The following FRMD4A variants were observed in gnomAD, a reference collection of about 807,000 sequenced individuals.
The protein encoded by FRMD4A is FERM domain-containing protein 4A.
FRMD4A carries 29 observed loss-of-function variants against 129.1 expected under a neutral mutation model. That is an observed-to-expected ratio of 0.22 (90% CI 0.17 to 0.31). The LOEUF is 0.31. FRMD4A is among the 10% of genes least tolerant of loss of function. The probability of loss-of-function intolerance (pLI) is 1.00; values close to 1 mark genes in which losing one functional copy is unlikely to be tolerated. For synonymous variants in FRMD4A, 634 were observed against 571.6 expected, an observed-to-expected ratio of 1.11 and a Z score of -1.56; for missense variants, 1,272 against 1,375.8, an observed-to-expected ratio of 0.92 and a Z score of 1.19.
At chr10:14,323,688 C>T (rs1843153111) in intron 2 of FRMD4A, among the ~76,000 whole-genome samples, 1 of 152,182 alleles carries the variant, frequency 6.6e-6, no homozygotes, top group East Asian at 1.9e-4. Context: ...GTAATTCAGA[C>T]AGAGTTATCA....
At chr10:14,293,702 C>T (rs1276589133) in intron 2 of FRMD4A, among the ~76,000 whole-genome samples, 2 of 151,968 alleles carry the variant, frequency 1.3e-5, no homozygotes, top group Non-Finnish European at 1.5e-5. Context: ...TTTGACATGA[C>T]TCAAGTTTTG....
chr10:13,709,084 T>G (rs193156474), intron 12 of FRMD4A, among the ~76,000 whole-genome samples: 15 of 152,328 alleles, frequency 9.8e-5, no homozygotes, highest in Admixed American at 3.3e-4. Context: ...TGCCTCAACC[T>G]TCCAAGTAGC....
chr10:14,223,962 C>T (rs1420745556), intron 2 of FRMD4A, among the ~76,000 whole-genome samples: 1 of 152,068 alleles, frequency 6.6e-6, no homozygotes, highest in Non-Finnish European at 1.5e-5. Context: ...TTTCGGGGAC[C>T]CTTCTCTAAT....
At chr10:14,199,037 G>A (rs1024178971) in intron 2 of FRMD4A, among the ~76,000 whole-genome samples, 5 of 151,820 alleles carry the variant, frequency 3.3e-5, no homozygotes, top group Non-Finnish European at 7.4e-5. Flanking sequence ...TTACCTTTCC[G>A]TGTTTTCTCT....
At chr10:13,911,911 G>T (rs756546148) in intron 2 of FRMD4A, among the ~76,000 whole-genome samples, 1 of 152,134 alleles carries the variant, frequency 6.6e-6, no homozygotes, top group East Asian at 1.9e-4. Context: ...AAAGCAAAGA[G>T]AAAATCCTTT....
intron 3 of FRMD4A, among the ~76,000 whole-genome samples, chr10:13,824,207 G>T (rs1169730457): frequency 2.0e-5 from 3 of 151,648 alleles, no homozygotes; most frequent in South Asian, 2.1e-4. Context: ...GCTGGGTGCG[G>T]TGTCTCCCGC....
intron 3 of FRMD4A, among the ~76,000 whole-genome samples, chr10:13,815,228 T>A (rs954402789): frequency 6.6e-6 from 1 of 152,186 alleles, no homozygotes; most frequent in Admixed American, 6.5e-5. Flanking sequence ...GGAATATTAT[T>A]TCGCCCTAAA....
intron 2 of FRMD4A, among the ~76,000 whole-genome samples, chr10:14,309,481 C>T (rs1380286148): frequency 6.6e-6 from 1 of 152,070 alleles, no homozygotes; most frequent in African/African-American, 2.4e-5. Context: ...CAAACAACAA[C>T]AACAACAAAA....
At chr10:14,269,130 G>A (rs1303511996) in intron 2 of FRMD4A, among the ~76,000 whole-genome samples, 2 of 152,170 alleles carry the variant, frequency 1.3e-5, no homozygotes, top group South Asian at 2.1e-4. Context: ...TGTGGGATGG[G>A]GTGGTGGCTA....
intron 2 of FRMD4A, among the ~76,000 whole-genome samples, chr10:14,322,804 T>C (rs774679775): frequency 6.6e-6 from 1 of 152,222 alleles, no homozygotes; most frequent in Non-Finnish European, 1.5e-5. Flanking sequence ...AAGCTTCATA[T>C]TCTGGCATAG....
intron 3 of FRMD4A, among the ~76,000 whole-genome samples, chr10:13,857,793 A>G (rs2094234354): frequency 6.9e-6 from 1 of 144,586 alleles, no homozygotes; most frequent in African/African-American, 2.6e-5. Context: ...AATAAACAGC[A>G]AGCAAATGTA....
chr10:14,066,776 C>A (rs575220285), intron 2 of FRMD4A, among the ~76,000 whole-genome samples: 9 of 151,770 alleles, frequency 5.9e-5, no homozygotes, highest in African/African-American at 1.9e-4. Flanking sequence ...ATCTGCAAAG[C>A]AAAACGTATC....
At chr10:14,306,963 C>T (rs1846373857) in intron 2 of FRMD4A, among the ~76,000 whole-genome samples, 1 of 152,100 alleles carries the variant, frequency 6.6e-6, no homozygotes, top group African/African-American at 2.4e-5. Context: ...ATAAAGAAAA[C>T]ATTTTTAGCT....
At chr10:14,205,499 G>T (rs1431786946) in intron 2 of FRMD4A, among the ~76,000 whole-genome samples, 1 of 152,102 alleles carries the variant, frequency 6.6e-6, no homozygotes, top group African/African-American at 2.4e-5. Flanking sequence ...ATTCCCTGGG[G>T]TGACTCAGGT....
At chr10:13,689,083 A>C (rs185704641) in intron 15 of FRMD4A, among the ~76,000 whole-genome samples, 5 of 151,708 alleles carry the variant, frequency 3.3e-5, no homozygotes, top group African/African-American at 9.6e-5. Flanking sequence ...AGACTTCAGT[A>C]GTTTTAAAGG....
At chr10:13,663,035 A>G (rs1459993969) in intron 19 of FRMD4A, among the ~76,000 whole-genome samples, 1 of 52,534 alleles carries the variant, frequency 1.9e-5, no homozygotes, top group Non-Finnish European at 5.1e-5. Flanking sequence ...TCTACAAAAA[A>G]ATACAAAAAT....
At chr10:14,234,270 T>C (rs1389055185) in intron 2 of FRMD4A, among the ~76,000 whole-genome samples, 10 of 152,096 alleles carry the variant, frequency 6.6e-5, no homozygotes. Context: ...TGCAACCCTA[T>C]GTTTCTGGGT....
chr10:13,849,085 C>T (rs1589016282), intron 3 of FRMD4A, among the ~76,000 whole-genome samples: 1 of 152,178 alleles, frequency 6.6e-6, no homozygotes. Flanking sequence ...CAGAGAGGAG[C>T]CTAATAAATG....
chr10:13,801,538 T>C lies in FRMD4A; in HGVS notation c.207-4950A>G, dbSNP rs367849665. ...GTCAGCTGCCTCCACTTTAAAGGCTTGTAGAAGTCTCTCAATGAAGGCTGC... is the reference window on the plus strand; with the variant it reads ...GTCAGCTGCCTCCACTTTAAAGGCTCGTAGAAGTCTCTCAATGAAGGCTGC... On this transcript the variant is annotated intron_variant, in intron 4 of 24. Transcript: ENST00000357447. Among the ~76,000 whole-genome samples the C allele has an allele frequency of 1.0e-3, 156 of 152,310 alleles. 4 individuals carry two copies. The highest frequency in any genetic ancestry group is 3.4e-3 in the African/African-American group (142 of 41,556).
Sources: allele counts gnomAD v4.1 joint callset (sites outside exome capture counted in the v4.1 genomes callset), GRCh38; gene constraint gnomAD v4.1.1; transcripts MANE v1.5; gene names NCBI Gene and HGNC (gene_info 2026-07-23, HGNC 2026-07-21).